HIPK3: variants seen among roughly 807,000 people sequenced by gnomAD.
HIPK3 encodes the protein homeodomain-interacting protein kinase 3.
A neutral mutation model predicts 124.2 loss-of-function variants in HIPK3; 47 were observed. The ratio of observed to expected loss-of-function variants is 0.38; its 90% CI spans 0.30 to 0.48. The LOEUF (loss-of-function observed/expected upper bound fraction) is 0.48, where lower values mean the gene tolerates loss of function less well. Ranked by LOEUF, HIPK3 falls within the 20% of genes least tolerant of loss-of-function variation. The probability of loss-of-function intolerance (pLI) is 0.98; values close to 1 mark genes in which losing one functional copy is unlikely to be tolerated. For missense variants in HIPK3, 1,286 were observed against 1,454.3 expected, an observed-to-expected ratio of 0.88 and a Z score of 1.88; for synonymous variants, 482 against 515.2, an observed-to-expected ratio of 0.94 and a Z score of 0.87.
intron 16 of HIPK3, 95 bp downstream of exon 16, chr11:33,352,360 G>A (rs1444265935): frequency 7.4e-7 from 1 of 1,343,430 alleles, no homozygotes; most frequent in Admixed American, 2.0e-5. Context: ...TGTATGTAGT[G>A]TTAATGAATT....
At chr11:33,322,849 G>C (rs1852704909) in intron 2 of HIPK3, among the ~76,000 whole-genome samples, 1 of 152,054 alleles carries the variant, frequency 6.6e-6, no homozygotes, top group African/African-American at 2.4e-5. Flanking sequence ...AGAAAAACGA[G>C]TGGCCACTGT....
chr11:33,304,861 G>A (rs1326361752), intron 2 of HIPK3, among the ~76,000 whole-genome samples: 1 of 152,166 alleles, frequency 6.6e-6, no homozygotes, highest in Non-Finnish European at 1.5e-5. Context: ...GACGCTGCCG[G>A]ATTTCCTTCA....
At chr11:33,307,489 C>T (rs1467526563) in intron 2 of HIPK3, among the ~76,000 whole-genome samples, 2 of 150,022 alleles carry the variant, frequency 1.3e-5, no homozygotes, top group Non-Finnish European at 3.0e-5. Context: ...AGCTCCGCCT[C>T]CCAGGTTCAC....
intron 1 of HIPK3, among the ~76,000 whole-genome samples, chr11:33,264,719 TCC>T (rs1225603962): frequency 6.6e-6 from 1 of 152,156 alleles, no homozygotes. Context: ...TTCTTTAACT[TCC>T]CCCTACTTGG....
Position 33,286,601 on chromosome 11 carries a change from C to A in HIPK3, c.187C>A (p.Gln63Lys), listed in dbSNP as rs1851560808. 2.5e-6 allele frequency: 4 copies of A among 1,614,098 alleles called. No individual in the cohort carries two copies. Among genetic ancestry groups the A allele is most frequent in the African/African-American group, 2.7e-5 (2 of 75,032 alleles). The change falls in exon 2 of 17, where the codon CAG becomes AAG. Residue 63 changes from glutamine to lysine, a missense_variant. Coordinates refer to ENST00000303296, the MANE Select transcript of HIPK3 (RefSeq NM_005734.5). ...SHPPTKGSAF[Q>K]TKIPFNRPRG... ...TCCTCCCACTAAGGGTAGTGCTTTT[C>A]AGACAAAGATACCATTTAATAGACC...
chr11:33,329,427 AAAAATAG>A (rs1479962947), intron 3 of HIPK3, among the ~76,000 whole-genome samples: 1 of 152,186 alleles, frequency 6.6e-6, no homozygotes, highest in Admixed American at 6.5e-5. Context: ...TCAAGCAAGA[AAAAATAG>A]AAAATAGAAG....
chr11:33,312,472 G>A (rs961913069), intron 2 of HIPK3, among the ~76,000 whole-genome samples: 9 of 152,120 alleles, frequency 5.9e-5, no homozygotes, highest in African/African-American at 1.9e-4. Flanking sequence ...GATTAAAATG[G>A]AATGTATTTG....
At chr11:33,312,026 G>C (rs1250589042) in intron 2 of HIPK3, among the ~76,000 whole-genome samples, 5 of 148,984 alleles carry the variant, frequency 3.4e-5, no homozygotes, top group Non-Finnish European at 1.5e-5. Flanking sequence ...TTAATTTTTT[G>C]TATGTGTGTG....
chr11:33,353,067 A>ATTTTTTTTT, intron 16 of HIPK3, 25 bp from the exon 17 acceptor site: 3 of 1,041,674 alleles, frequency 2.9e-6, no homozygotes, highest in African/African-American at 1.7e-5. Context: ...TTATTCAGTC[A>ATTTTTTTTT]TTTTTTTTTT....
At chr11:33,283,679 T>G (rs1444662595) in intron 1 of HIPK3, among the ~76,000 whole-genome samples, 2 of 151,956 alleles carry the variant, frequency 1.3e-5, no homozygotes, top group Admixed American at 1.3e-4. Flanking sequence ...TTTTCTTTTT[T>G]TTTTTTTCTT....
Position 33,342,086 on chromosome 11 carries a change from G to T in HIPK3, c.1897+400G>T, listed in dbSNP as rs181318894. ...CCACTGCGCTCTAGCCTGGGCGACA[G>T]AGTGAGACTCTGTCTCAAAAAAAAA... On this transcript the variant is annotated intron_variant, in intron 8 of 16. Transcript: ENST00000303296. Among the ~76,000 whole-genome samples the T allele has an allele frequency of 4.9e-3, 651 of 131,608 alleles. 1 individual carries two copies. Among genetic ancestry groups the T allele is most frequent in the Non-Finnish European group, 7.8e-3 (505 of 64,344 alleles). The allele number at this position is 131,608 out of a possible 152,430, so 86.3% of individuals were successfully genotyped here.
At chr11:33,304,104 C>T (rs1009333666) in intron 2 of HIPK3, among the ~76,000 whole-genome samples, 2 of 152,086 alleles carry the variant, frequency 1.3e-5, no homozygotes, top group Non-Finnish European at 2.9e-5. Context: ...GCACGTCCAG[C>T]TAATTTTTTG....
At chr11:33,320,172 C>G (rs1346873606) in intron 2 of HIPK3, among the ~76,000 whole-genome samples, 3 of 152,206 alleles carry the variant, frequency 2.0e-5, no homozygotes, top group Non-Finnish European at 4.4e-5. Flanking sequence ...TAGCTAAGGG[C>G]TGCCCCTTGT....
intron 2 of HIPK3, among the ~76,000 whole-genome samples, chr11:33,311,902 C>T (rs1306835037): frequency 1.1e-5 from 1 of 87,684 alleles, no homozygotes; most frequent in Non-Finnish European, 2.2e-5. Context: ...ATAGCAAGAC[C>T]CTGTTTCTAC....
At chr11:33,342,008 G>C (rs1853349358) in intron 8 of HIPK3, among the ~76,000 whole-genome samples, 1 of 150,862 alleles carries the variant, frequency 6.6e-6, no homozygotes, top group Non-Finnish European at 1.5e-5. Context: ...GGCTGAAGCT[G>C]GGAAATGGAG....
intron 1 of HIPK3, among the ~76,000 whole-genome samples, chr11:33,279,339 A>G (rs1400620044): frequency 6.6e-6 from 1 of 151,342 alleles, no homozygotes; most frequent in African/African-American, 2.4e-5. Context: ...AAAAAAAAAA[A>G]AAAAAAAAAG....
chr11:33,289,056 A>T (rs758243452), intron 2 of HIPK3, among the ~76,000 whole-genome samples: 13 of 152,142 alleles, frequency 8.5e-5, no homozygotes, highest in Non-Finnish European at 1.8e-4. Context: ...AAATTAATTA[A>T]CTCTTACACA....
At position 33,353,880 on chromosome 11, in the gene HIPK3, A is replaced by G; in HGVS notation, c.*312A>G. On this transcript the variant is annotated 3_prime_UTR_variant, in exon 17 of 17. Coordinates refer to ENST00000303296, the MANE Select transcript of HIPK3 (RefSeq NM_005734.5). Reference sequence around the variant, plus strand: ...AGTGCAAGACACGTCTACATTTGGGAAGCCATTCTGTGTACAGACTTAGAG... The same window carrying G: ...AGTGCAAGACACGTCTACATTTGGGGAGCCATTCTGTGTACAGACTTAGAG... 6.1e-6 allele frequency: 2 copies of G among 327,586 alleles called. No individual in the cohort carries two copies. The highest frequency in any genetic ancestry group is 1.2e-5 in the Non-Finnish European group (2 of 172,788). The allele number at this position is 327,586 out of a possible 1,614,324, so 20.3% of individuals were successfully genotyped here. A position where few individuals can be genotyped will look rare whatever the true frequency, so the allele number is the denominator to read the frequency against.
chr11:33,344,428 T>C (rs1360141224), intron 8 of HIPK3, among the ~76,000 whole-genome samples: 1 of 152,240 alleles, frequency 6.6e-6, no homozygotes, highest in African/African-American at 2.4e-5. Flanking sequence ...AGAGCCTAGC[T>C]TCTTTGGCAA....
Sources: allele counts gnomAD v4.1 joint callset (sites outside exome capture counted in the v4.1 genomes callset), GRCh38; gene constraint gnomAD v4.1.1; transcripts MANE v1.5; gene names NCBI Gene and HGNC (gene_info 2026-07-23, HGNC 2026-07-21).